Variants in PTPDC1 observed in about 807,000 individuals in gnomAD.
PTPDC1 encodes the protein protein tyrosine phosphatase domain containing 1, also known as protein tyrosine phosphatase domain-containing protein 1.
PTPDC1 carries 53 observed loss-of-function variants against 75.3 expected under a neutral mutation model. The observed-to-expected ratio is 0.70, with a 90% CI of 0.56 to 0.88. The LOEUF (loss-of-function observed/expected upper bound fraction) is 0.88, where lower values mean the gene tolerates loss of function less well. PTPDC1 is among the 40% of genes least tolerant of loss of function. The pLI is 0.00. For missense variants in PTPDC1, 925 were observed against 998.6 expected, an observed-to-expected ratio of 0.93 and a Z score of 0.99; for synonymous variants, 349 against 366.2, an observed-to-expected ratio of 0.95 and a Z score of 0.54.
chr9:94,036,037 T>C (rs1423203695), intron 1 of PTPDC1, among the ~76,000 whole-genome samples: 1 of 150,448 alleles, frequency 6.6e-6, no homozygotes, highest in African/African-American at 2.4e-5. Flanking sequence ...TTTTTTTTGT[T>C]TTTTTTTTGC....
chr9:94,094,943 C>T (rs982578014), intron 4 of PTPDC1, among the ~76,000 whole-genome samples: 10 of 152,236 alleles, frequency 6.6e-5, no homozygotes, highest in South Asian at 2.1e-4. Context: ...GGCTGAGGCA[C>T]GGTGCGTGCG....
chr9:94,053,341 T>C (rs1825838965), intron 1 of PTPDC1, among the ~76,000 whole-genome samples: 1 of 151,968 alleles, frequency 6.6e-6, no homozygotes. Context: ...CCTGGCTTCC[T>C]CTGGGGTGAT....
rs1256302801 is a variant in PTPDC1 at position 94,097,729 on chromosome 9, A to C, written c.1163A>C (p.Lys388Thr). ...MSEMVTMQLDKELLRHDSDVS... is the reference protein window; with the variant it reads ...MSEMVTMQLDTELLRHDSDVS... The stretch of plus-strand genomic sequence containing the variant: ...GAGATGGTCACCATGCAGCTGGATA[A>C]AGAGTTACTGAGGCATGACAGTGAT... The change falls in exon 6 of 9, where the codon AAA (lysine) becomes ACA (threonine). Residue 388 changes from lysine to threonine, a missense_variant. Lys to Thr is a moderately conservative substitution (Grantham distance 78, BLOSUM62 -1). Transcript: ENST00000620992. 6.2e-7 allele frequency: 1 copy of C among 1,614,102 alleles called. No individual in the cohort carries two copies. The highest frequency in any genetic ancestry group is 1.1e-5 in the South Asian group (1 of 91,082).
intron 1 of PTPDC1, chr9:94,038,308 A>G: frequency 1.4e-6 from 1 of 704,356 alleles, no homozygotes; most frequent in Admixed American, 1.9e-5. Context: ...CAGAAAGAAA[A>G]ATGATAGCTT....
chr9:94,050,816 G>A (rs1825765071), intron 1 of PTPDC1, among the ~76,000 whole-genome samples: 1 of 152,346 alleles, frequency 6.6e-6, no homozygotes, highest in East Asian at 1.9e-4. Context: ...CAGAGGTGGA[G>A]TCTACAGAGG....
chr9:94,040,729 G>T (rs1825404876), intron 1 of PTPDC1, among the ~76,000 whole-genome samples: 1 of 151,804 alleles, frequency 6.6e-6, no homozygotes, highest in Admixed American at 6.6e-5. Context: ...TTCCTTTATA[G>T]AAATTTTTAC....
chr9:94,095,905 T>C (rs768504953), intron 5 of PTPDC1, among the ~76,000 whole-genome samples: 3 of 152,156 alleles, frequency 2.0e-5, no homozygotes, highest in Non-Finnish European at 2.9e-5. Flanking sequence ...ACAATGTGAG[T>C]TGGAGAAACT....
chr9:94,093,313 G>A (rs369125171), intron 4 of PTPDC1, among the ~76,000 whole-genome samples: 21 of 149,512 alleles, frequency 1.4e-4, no homozygotes, highest in African/African-American at 4.0e-4. Context: ...TTGCTTGTCT[G>A]TAAAGTATTT....
At position 94,098,440 on chromosome 9, in the gene PTPDC1, T is replaced by G. The variant is rs16909677; in HGVS notation, c.1874T>G (p.Leu625Arg). 1.2e-6 allele frequency: 2 copies of G among 1,614,088 alleles called. No individual in the cohort carries two copies. The highest frequency in any genetic ancestry group is 1.7e-6 in the Non-Finnish European group (2 of 1,180,036). ...VEHETQDSKD[L>R]SEAASHSALQ... is the part of the protein sequence containing the mutation. ...CATGAAACCCAGGACAGTAAAGATC[T>G]GTCTGAAGCAGCTTCACACTCTGCA... is the stretch of plus-strand genomic sequence containing the variant. The change falls in exon 6 of 9, where the codon CTG becomes CGG. Residue 625 changes from leucine to arginine, a missense_variant. Physicochemically the swap from Leu to Arg is moderately radical, Grantham distance 102. Coordinates refer to ENST00000620992, the MANE Select transcript of PTPDC1 (RefSeq NM_001253829.2).
chr9:94,035,409 T>C (rs570165632), intron 1 of PTPDC1, among the ~76,000 whole-genome samples: 88 of 152,210 alleles, frequency 5.8e-4, no homozygotes, highest in Non-Finnish European at 1.0e-3. Context: ...CTCATATAAG[T>C]GGAACATGTG....
At chr9:94,087,184 G>C (rs1286381953) in intron 2 of PTPDC1, among the ~76,000 whole-genome samples, 1 of 152,162 alleles carries the variant, frequency 6.6e-6, no homozygotes, top group Non-Finnish European at 1.5e-5. Flanking sequence ...TCTCTTGAGA[G>C]TTCTTGAAAA....
intron 1 of PTPDC1, among the ~76,000 whole-genome samples, chr9:94,031,372 G>A (rs955394576): frequency 7.2e-5 from 11 of 152,038 alleles, no homozygotes; most frequent in African/African-American, 2.7e-4. Context: ...ACTGCCGCTG[G>A]AAGCGATCTC....
At chr9:94,058,833 CA>C (rs892114906) in intron 1 of PTPDC1, among the ~76,000 whole-genome samples, 2 of 151,540 alleles carry the variant, frequency 1.3e-5, no homozygotes, top group Admixed American at 6.6e-5. Flanking sequence ...TATAAAAATA[CA>C]AAAAAAATTA....
chr9:94,080,993 TC>T (rs202178288), upstream of PTPDC1, among the ~76,000 whole-genome samples: 8,863 of 141,552 alleles, frequency 0.063, 508 homozygotes, highest in East Asian at 0.11. Context: ...TTTTTCTTTT[TC>T]TTTTTTTTTT....
chr9:94,104,492 T>C, intron 8 of PTPDC1, 107 bp downstream of exon 8: 1 of 655,096 alleles, frequency 1.5e-6, no homozygotes, highest in Non-Finnish European at 2.6e-6. Context: ...CATGTATGTG[T>C]ATGTTTTCCC....
intron 1 of PTPDC1, among the ~76,000 whole-genome samples, chr9:94,033,066 T>TC (rs1461944595): frequency 6.6e-6 from 1 of 151,950 alleles, no homozygotes. Flanking sequence ...TTCGCCATGT[T>TC]CCCCAGGCTG....
At chr9:94,089,234 C>G (rs1827195028) in intron 4 of PTPDC1, among the ~76,000 whole-genome samples, 1 of 121,492 alleles carries the variant, frequency 8.2e-6, no homozygotes, top group Non-Finnish European at 1.7e-5. Flanking sequence ...CCCCCCTCCC[C>G]CCACCCCACA....
chr9:94,100,682 T>C (rs1385166638), intron 6 of PTPDC1: 1 of 152,222 alleles, frequency 6.6e-6, no homozygotes, highest in Non-Finnish European at 1.5e-5. Flanking sequence ...AGATAAGACA[T>C]GTATTACAGT....
In PTPDC1 at chr9:94,108,406, C is replaced by T. The variant is rs1828097376; in HGVS notation, c.*462C>T. 6.6e-6 allele frequency: 1 copy of T among 152,638 alleles called. No individual in the cohort carries two copies. Among genetic ancestry groups the T allele is most frequent in the African/African-American group, 2.4e-5 (1 of 41,422 alleles). The allele number at this position is 152,638 out of a possible 1,614,324, so 9.5% of individuals were successfully genotyped here. A position where few individuals can be genotyped will look rare whatever the true frequency, so the allele number is the denominator to read the frequency against. On this transcript the variant is annotated 3_prime_UTR_variant, in exon 9 of 9. Coordinates refer to ENST00000620992, the MANE Select transcript of PTPDC1 (RefSeq NM_001253829.2). ...TAAGAAAGTCACCAAGTGTCTTAAG[C>T]TGTTTTATATTTGTTACGAAGAAGG...
Sources: allele counts gnomAD v4.1 joint callset (sites outside exome capture counted in the v4.1 genomes callset), GRCh38; gene constraint gnomAD v4.1.1; transcripts MANE v1.5; gene names NCBI Gene and HGNC (gene_info 2026-07-23, HGNC 2026-07-21).